The following CDH2 variants were observed in gnomAD, a reference collection of about 807,000 sequenced individuals.
The protein encoded by CDH2 is cadherin 2.
A neutral mutation model predicts 92.0 loss-of-function variants in CDH2; 17 were observed. The ratio of observed to expected loss-of-function variants is 0.18; its 90% CI spans 0.13 to 0.28. CDH2 has a LOEUF of 0.28. Ranked by LOEUF, CDH2 falls within the 10% of genes least tolerant of loss-of-function variation. CDH2 has a pLI of 1.00. For synonymous variants in CDH2, 419 were observed against 415.9 expected, an observed-to-expected ratio of 1.01 and a Z score of -0.09; for missense variants, 862 against 1,133.1, an observed-to-expected ratio of 0.76 and a Z score of 3.44.
chr18:28,127,997 G>A (rs968912968), intron 2 of CDH2, among the ~76,000 whole-genome samples: 3 of 152,116 alleles, frequency 2.0e-5, no homozygotes, highest in African/African-American at 7.2e-5. Context: ...ACAATAAAAA[G>A]ATAAACAGAT....
intron 2 of CDH2, among the ~76,000 whole-genome samples, chr18:28,059,019 G>GTTTGA (rs1410278702): frequency 4.6e-5 from 7 of 152,120 alleles, no homozygotes; most frequent in Admixed American, 2.0e-4. Context: ...ATTTTAGTTG[G>GTTTGA]TTTGATTTAT....
At chr18:27,979,769 G>A (rs1251668974) in intron 14 of CDH2, among the ~76,000 whole-genome samples, 1 of 152,132 alleles carries the variant, frequency 6.6e-6, no homozygotes, top group Non-Finnish European at 1.5e-5. Flanking sequence ...CTAATCTATG[G>A]TGACAGAAAT....
At position 28,013,914 on chromosome 18, in the gene CDH2, A is replaced by G. The variant is rs1418039722; in HGVS notation, c.173-5T>C. 2 of 1,603,502 alleles carry G rather than the reference A, an allele frequency of 1.2e-6. No homozygotes were observed. The highest frequency in any genetic ancestry group is 1.7e-6 in the Non-Finnish European group (2 of 1,174,278). On this transcript the variant is annotated splice_polypyrimidine_tract_variant and splice_region_variant and intron_variant, in intron 2 of 15. Transcript: ENST00000269141. ...CATTGCAGTTGCTAAACTTCACTGT[A>G]AAAGATAAGAAATAGGTCAGTTATT...
intron 1 of CDH2, among the ~76,000 whole-genome samples, chr18:28,172,400 G>T (rs1363428582): frequency 6.6e-6 from 1 of 151,870 alleles, no homozygotes; most frequent in African/African-American, 2.4e-5. Flanking sequence ...CCTCTTCCTT[G>T]GCATGGATAA....
intron 14 of CDH2, among the ~76,000 whole-genome samples, chr18:27,966,415 T>C (rs892795825): frequency 6.6e-6 from 1 of 152,212 alleles, no homozygotes; most frequent in Non-Finnish European, 1.5e-5. Flanking sequence ...AAAAGAGGCA[T>C]GTGGGCTTTG....
rs372408538 is a variant in CDH2 at position 28,149,300 on chromosome 18, T to C, written c.61-1516A>G. ...GTCCATCAAAAGGAGAATGGACTAA[T>C]ACATCATCACAAAGCCAAAAGAAGA... On this transcript the variant is annotated intron_variant, in intron 1 of 15. Coordinates refer to ENST00000269141, the MANE Select transcript of CDH2 (RefSeq NM_001792.5). Among the ~76,000 whole-genome samples, 27 of 152,326 alleles carry C rather than the reference T, an allele frequency of 1.8e-4. No individual in the cohort carries two copies. In the East Asian group the frequency reaches 3.5e-3, roughly 20 times the overall value.
At chr18:27,988,131 A>T (rs1567951348) in intron 11 of CDH2, among the ~76,000 whole-genome samples, 1 of 152,232 alleles carries the variant, frequency 6.6e-6, no homozygotes, top group Non-Finnish European at 1.5e-5. Flanking sequence ...AGCCCATGGC[A>T]GACAGAGGCA....
chr18:28,032,304 G>A (rs2013717266), intron 2 of CDH2, among the ~76,000 whole-genome samples: 1 of 152,046 alleles, frequency 6.6e-6, no homozygotes, highest in Non-Finnish European at 1.5e-5. Context: ...CTGGGGACTA[G>A]GCACAAAGAA....
chr18:27,978,271 T>C (rs1010255694), intron 14 of CDH2, among the ~76,000 whole-genome samples: 1 of 152,164 alleles, frequency 6.6e-6, no homozygotes, highest in African/African-American at 2.4e-5. Flanking sequence ...TTGCAGAATA[T>C]AGTCAGAAAA....
chr18:28,156,343 G>A (rs2016210214), intron 1 of CDH2, among the ~76,000 whole-genome samples: 1 of 152,174 alleles, frequency 6.6e-6, no homozygotes. Context: ...CAATACAAGA[G>A]TTTGATGGAC....
At chr18:27,943,617 T>TAA (rs1397545480) in intron 6 of CDH2, among the ~76,000 whole-genome samples, 1 of 152,182 alleles carries the variant, frequency 6.6e-6, no homozygotes, top group Non-Finnish European at 1.5e-5. Context: ...GTAATTACTA[T>TAA]AAATATTAAA....
intron 15 of CDH2, among the ~76,000 whole-genome samples, chr18:27,956,625 T>C (rs1167768921): frequency 6.6e-6 from 1 of 152,066 alleles, no homozygotes; most frequent in Non-Finnish European, 1.5e-5. Flanking sequence ...CCAGCACTGT[T>C]CCAGCTTCTT....
At chr18:27,993,685 A>C (rs1475975484) in intron 7 of CDH2, 48 bp from the exon 8 acceptor site, 2 of 1,410,284 alleles carry the variant, frequency 1.4e-6, no homozygotes, top group African/African-American at 2.8e-5. Flanking sequence ...ATTCCTCAAG[A>C]AGACATAACA....
At chr18:28,062,661 A>G (rs1384462413) in intron 2 of CDH2, among the ~76,000 whole-genome samples, 1 of 152,204 alleles carries the variant, frequency 6.6e-6, no homozygotes, top group Non-Finnish European at 1.5e-5. Flanking sequence ...AAATGGAATG[A>G]ACTATCACCA....
intron 6 of CDH2, among the ~76,000 whole-genome samples, chr18:27,940,914 AT>A: frequency 6.6e-6 from 1 of 152,228 alleles, no homozygotes; most frequent in East Asian, 1.9e-4. Flanking sequence ...GAATAGCTCC[AT>A]CTCTGACCTG....
intron 15 of CDH2, among the ~76,000 whole-genome samples, chr18:27,960,849 T>C (rs1325229808): frequency 6.6e-6 from 1 of 152,152 alleles, no homozygotes; most frequent in Non-Finnish European, 1.5e-5. Context: ...TAAGTAATCA[T>C]ACCTGTTTGT....
chr18:28,144,653 T>C (rs2016007338), intron 2 of CDH2, among the ~76,000 whole-genome samples: 1 of 152,018 alleles, frequency 6.6e-6, no homozygotes, highest in Non-Finnish European at 1.5e-5. Context: ...ACCTGTATGT[T>C]CAAAAATAGA....
chr18:27,949,452 AAATT>A (rs1274227008), downstream of CDH2, among the ~76,000 whole-genome samples: 2 of 151,974 alleles, frequency 1.3e-5, no homozygotes, highest in Admixed American at 6.6e-5. Context: ...TGGGAACAAC[AAATT>A]AATTAGGAAA....
At chr18:28,105,578 AATT>A (rs908965021) in intron 2 of CDH2, among the ~76,000 whole-genome samples, 4 of 152,298 alleles carry the variant, frequency 2.6e-5, no homozygotes, top group South Asian at 2.1e-4. Context: ...TAAATTAAAA[AATT>A]ATTATTATTT....
Sources: allele counts gnomAD v4.1 joint callset (sites outside exome capture counted in the v4.1 genomes callset), GRCh38; gene constraint gnomAD v4.1.1; transcripts MANE v1.5; gene names NCBI Gene and HGNC (gene_info 2026-07-23, HGNC 2026-07-21).